The following CDC42BPA variants were observed in gnomAD, a reference collection of about 807,000 sequenced individuals.
The protein encoded by CDC42BPA is serine/threonine-protein kinase MRCK alpha.
A neutral mutation model predicts 223.5 loss-of-function variants in CDC42BPA; 80 were observed. The ratio of observed to expected loss-of-function variants is 0.36; its 90% confidence interval spans 0.30 to 0.43. The LOEUF (loss-of-function observed/expected upper bound fraction) is 0.43, where lower values mean the gene tolerates loss of function less well. CDC42BPA is among the 20% of genes least tolerant of loss of function. The pLI is 1.00. For missense variants in CDC42BPA, 1,743 were observed against 2,099.9 expected (o/e 0.83, Z 3.32); for synonymous variants, 694 against 718.6 (o/e 0.97, Z 0.55).
intron 1 of CDC42BPA, among the ~76,000 whole-genome samples, chr1:227,270,084 C>T (rs1294543200): frequency 6.6e-6 from 1 of 152,032 alleles, no homozygotes; most frequent in African/African-American, 2.4e-5. Flanking sequence ...ACACTATACC[C>T]ACATATATCC....
chr1:227,161,731 C>T (rs1013410968), intron 5 of CDC42BPA, among the ~76,000 whole-genome samples: 5 of 152,170 alleles, frequency 3.3e-5, no homozygotes, highest in African/African-American at 4.8e-5. Context: ...CCTATGTCTG[C>T]TTTCACACTA....
intron 1 of CDC42BPA, among the ~76,000 whole-genome samples, chr1:227,295,952 G>A (rs562891982): frequency 6.6e-6 from 1 of 152,202 alleles, no homozygotes; most frequent in African/African-American, 2.4e-5. Context: ...ACAGTCAATC[G>A]GGTTTTGTTA....
chr1:227,107,589 G>A (rs1388509978), intron 14 of CDC42BPA, among the ~76,000 whole-genome samples: 2 of 152,166 alleles, frequency 1.3e-5, no homozygotes, highest in East Asian at 3.8e-4. Context: ...AAGAGTTTGG[G>A]AAGGATTGCT....
At position 227,048,024 on chromosome 1, in the gene CDC42BPA, CA is replaced by C; in HGVS notation, c.3010-15del. On this transcript the variant is annotated splice_polypyrimidine_tract_variant and intron_variant, in intron 22 of 36. Coordinates refer to ENST00000366766, the MANE Select transcript of CDC42BPA (RefSeq NM_001394014.1). ...GGAGTCTACAGTCTGAACCCAGGAGCAAAAAAGGAAATAAATGTCATGAAAC... is the reference window on the plus strand; with the variant it reads ...GGAGTCTACAGTCTGAACCCAGGAGCAAAAAGGAAATAAATGTCATGAAAC... 3 of 1,508,742 alleles carry C rather than the reference CA, an allele frequency of 2.0e-6. No homozygotes were observed. Among genetic ancestry groups the C allele is most frequent in the Non-Finnish European group, 2.7e-6 (3 of 1,102,080 alleles). The allele number at this position is 1,508,742 out of a possible 1,614,324, so 93.5% of individuals were successfully genotyped here.
chr1:227,220,563 C>T (rs1046161900), intron 2 of CDC42BPA, among the ~76,000 whole-genome samples: 1 of 152,010 alleles, frequency 6.6e-6, no homozygotes, highest in African/African-American at 2.4e-5. Context: ...CCACCACAAA[C>T]TATCCCATTC....
chr1:227,286,382 A>G (rs1022177826), intron 1 of CDC42BPA, among the ~76,000 whole-genome samples: 2 of 152,188 alleles, frequency 1.3e-5, no homozygotes, highest in African/African-American at 4.8e-5. Flanking sequence ...CATGGACACA[A>G]TGCAGTCAAG....
At chr1:227,294,268 T>C (rs1690218902) in intron 1 of CDC42BPA, among the ~76,000 whole-genome samples, 1 of 147,536 alleles carries the variant, frequency 6.8e-6, no homozygotes, top group Admixed American at 6.7e-5. Context: ...CTAGACTTCA[T>C]CTCAAAAAAA....
At chr1:227,196,515 AT>A (rs1364634364) in intron 4 of CDC42BPA, among the ~76,000 whole-genome samples, 1 of 151,420 alleles carries the variant, frequency 6.6e-6, no homozygotes, top group Admixed American at 6.6e-5. Flanking sequence ...AATTTTTTGT[AT>A]TTTTAGTAGA....
chr1:227,091,989 T>G lies in CDC42BPA; in HGVS notation c.2252A>C (p.Gln751Pro), dbSNP rs1054708460. 1 of 1,549,766 alleles carries G rather than the reference T, an allele frequency of 6.5e-7. No individual in the cohort carries two copies. ...DKLEKTRRES[Q>P]SEREEFESEF... Reference sequence around the variant, plus strand: ...ACTTTCAAATTCCTCCCTTTCACTTTGACTAACACAATTCAAAACACAAAA... The same window carrying G: ...ACTTTCAAATTCCTCCCTTTCACTTGGACTAACACAATTCAAAACACAAAA... Residue 751 changes from glutamine to proline, a missense_variant and splice_region_variant, in exon 16 of 37, where the codon CAA (glutamine) becomes CCA (proline). Physicochemically the swap from Gln to Pro is moderately conservative, Grantham distance 76. Around this residue, in one of 6 missense-constraint regions of CDC42BPA, gnomAD observed 464 missense variants for 488.0 expected, o/e 0.95. Transcript: ENST00000366766.
chr1:227,144,140 A>G (rs951053227), intron 8 of CDC42BPA, among the ~76,000 whole-genome samples: 2 of 152,236 alleles, frequency 1.3e-5, no homozygotes, highest in African/African-American at 4.8e-5. Flanking sequence ...GAAAAGTTAT[A>G]TAACGTGTAC....
intron 24 of CDC42BPA, among the ~76,000 whole-genome samples, chr1:227,039,150 T>C (rs1445280965): frequency 6.6e-6 from 1 of 152,136 alleles, no homozygotes; most frequent in Non-Finnish European, 1.5e-5. Flanking sequence ...GACTTTTTTG[T>C]TTCTGAATTT....
At chr1:227,043,085 C>A (rs569381462) in intron 23 of CDC42BPA, among the ~76,000 whole-genome samples, 2 of 152,210 alleles carry the variant, frequency 1.3e-5, no homozygotes, top group South Asian at 4.2e-4. Flanking sequence ...ACAACCCTTT[C>A]TTTTTTACAA....
chr1:227,220,319 C>T (rs1293402762), intron 2 of CDC42BPA, among the ~76,000 whole-genome samples: 1 of 124,768 alleles, frequency 8.0e-6, no homozygotes, highest in Non-Finnish European at 1.7e-5. Context: ...TATACACACA[C>T]ACACACACAT....
intron 17 of CDC42BPA, among the ~76,000 whole-genome samples, chr1:227,080,394 A>T (rs1254289760): frequency 6.6e-6 from 1 of 152,152 alleles, no homozygotes; most frequent in Non-Finnish European, 1.5e-5. Context: ...AGAGCTTAAG[A>T]AAGAGCTGAT....
chr1:227,306,581 T>G (rs1692591540), intron 1 of CDC42BPA, among the ~76,000 whole-genome samples: 1 of 152,218 alleles, frequency 6.6e-6, no homozygotes, highest in Non-Finnish European at 1.5e-5. Flanking sequence ...ACAGTAGACC[T>G]GAAAATATTA....
chr1:227,273,600 G>A (rs1286492923), intron 1 of CDC42BPA, among the ~76,000 whole-genome samples: 1 of 151,570 alleles, frequency 6.6e-6, no homozygotes, highest in Admixed American at 6.6e-5. Context: ...GCTGTAAGAT[G>A]ACTGATAAAA....
rs1360431816 is a variant in CDC42BPA at position 227,074,294 on chromosome 1, C to T, written c.2551G>A (p.Ala851Thr). The T allele has an allele frequency of 6.2e-7, 1 of 1,613,636 alleles. No homozygotes were observed. The highest frequency in any genetic ancestry group is 8.5e-7 in the Non-Finnish European group (1 of 1,179,680). ...GTACCCAAGCTGGAATTTCTTAATGCCTCCAATTCTTCAGTCATTTTAGAA... is the reference window on the plus strand; with the variant it reads ...GTACCCAAGCTGGAATTTCTTAATGTCTCCAATTCTTCAGTCATTTTAGAA... ...LASKMTEELE[A>T]LRNSSLGTRA... Residue 851 changes from alanine (A) to threonine (T), a missense_variant, in exon 18 of 37, where the codon GCA (alanine) becomes ACA (threonine). Ala to Thr is a moderately conservative substitution (Grantham distance 58, BLOSUM62 0). Transcript: ENST00000366766.
chr1:227,289,620 G>A (rs1292960306), intron 1 of CDC42BPA, among the ~76,000 whole-genome samples: 6 of 152,110 alleles, frequency 3.9e-5, no homozygotes, highest in African/African-American at 1.2e-4. Flanking sequence ...TGCCTGTCTC[G>A]TTCACTGTTG....
In CDC42BPA at chr1:227,115,545, G is replaced by C. The variant is rs181113754; in HGVS notation, c.1648-2632C>G. On this transcript the variant is annotated intron_variant, in intron 12 of 36. Coordinates refer to ENST00000366766, the MANE Select transcript of CDC42BPA (RefSeq NM_001394014.1). ...AAAAAAAAATAGTGAATATAAAGACGATCTGAAAAGCTTCATACACAGAAG... is the reference window on the plus strand; with the variant it reads ...AAAAAAAAATAGTGAATATAAAGACCATCTGAAAAGCTTCATACACAGAAG... 4.6e-3 allele frequency among the ~76,000 whole-genome samples: 697 copies of C among 151,144 alleles called. 4 individuals carry two copies. Among genetic ancestry groups the C allele is most frequent in the African/African-American group, 0.016 (669 of 41,292 alleles).
Sources: allele counts gnomAD v4.1 joint callset (sites outside exome capture counted in the v4.1 genomes callset), GRCh38; gene constraint gnomAD v4.1.1; regional missense constraint gnomAD v4.1.1; transcripts MANE v1.5; gene names NCBI Gene and HGNC (gene_info 2026-07-23, HGNC 2026-07-21).